The following POU4F1 variants were observed in gnomAD, a reference collection of about 807,000 sequenced individuals.
POU4F1 encodes POU class 4 homeobox 1, also known as POU domain, class 4, transcription factor 1.
Under a neutral mutation model 19.8 loss-of-function variants are expected in POU4F1, and 5 were observed. That is an observed-to-expected ratio of 0.25 (90% CI 0.13 to 0.53). POU4F1 has a LOEUF of 0.53. Among genes scored for constraint, POU4F1 ranks in the 20% least tolerant of loss-of-function variants. The pLI is 0.96. For missense variants in POU4F1, 408 were observed against 511.6 expected, an observed-to-expected ratio of 0.80 and a Z score of 1.95; for synonymous variants, 266 against 247.7, an observed-to-expected ratio of 1.07 and a Z score of -0.69.
rs558853740 is a variant in POU4F1, at chr13:78,599,692, T to C, written c.*1723A>G. ...GATTTCAGTCTTGTTAATCGGCAGG[T>C]TTTTTTTCTTTTCTCATTTGTTCTG... On this transcript the variant is annotated 3_prime_UTR_variant, in exon 2 of 2. Transcript: ENST00000377208. 5.2e-5 allele frequency: 8 copies of C among 152,546 alleles called. No homozygotes were observed. Among genetic ancestry groups the C allele is most frequent in the East Asian group, 1.9e-4 (1 of 5,188 alleles). 9.4% of individuals were successfully genotyped at this position (152,546 alleles called of 1,614,324 possible). A position where few individuals can be genotyped will look rare whatever the true frequency, so the allele number is the denominator to read the frequency against.
rs1427321060 is a variant in POU4F1 at position 78,602,386 on chromosome 13, G to A, written c.289C>T (p.Pro97Ser). ...TGGTGGTGGTGGTGGTGCGCCAGAG[G>A]CACCGTGGAAGTGGACGTGCACGGC... The part of the protein sequence containing the change: ...SVPCTSTSTV[P>S]LAHHHHHHHH... Residue 97 changes from proline to serine, a missense_variant, in exon 2 of 2, where the codon CCT becomes TCT. Coordinates refer to ENST00000377208, the MANE Select transcript of POU4F1 (RefSeq NM_006237.4). 3 of 1,539,286 alleles carry A rather than the reference G, an allele frequency of 1.9e-6. No individual in the cohort carries two copies. The highest frequency in any genetic ancestry group is 2.5e-5 in the East Asian group (1 of 39,560).
chr13:78,602,390 C>A lies in POU4F1; in HGVS notation c.285G>T (p.Thr95=). 6.5e-7 allele frequency: 1 copy of A among 1,546,120 alleles called. No individual in the cohort carries two copies. Among genetic ancestry groups the A allele is most frequent in the Non-Finnish European group, 8.7e-7 (1 of 1,148,812 alleles). The change falls in exon 2 of 2, where the codon ACG becomes ACT. Residue 95 remains threonine (T), a synonymous_variant. Transcript: ENST00000377208. The part of the protein sequence containing the change: ...MNSVPCTSTS[T]VPLAHHHHHH... ...GGTGGTGGTGGTGCGCCAGAGGCAC[C>A]GTGGAAGTGGACGTGCACGGCACGC...
chr13:78,601,348 G>T lies in POU4F1; in HGVS notation c.*67C>A. 1.3e-6 allele frequency: 2 copies of T among 1,599,476 alleles called. No homozygotes were observed. Among genetic ancestry groups the T allele is most frequent in the Non-Finnish European group, 8.5e-7 (1 of 1,174,336 alleles). On this transcript the variant is annotated 3_prime_UTR_variant, in exon 2 of 2. Transcript: ENST00000377208. ...CTCCAAATCCGAGGGGAGGCAAGCA[G>T]AGGAAAGCCCCCCAAAAATGCCTCC... is the stretch of plus-strand genomic sequence containing the variant.
In POU4F1 at chr13:78,598,685, C is replaced by T. The variant is rs533505640; in HGVS notation, c.*2730G>A. 7.9e-5 allele frequency: 12 copies of T among 152,256 alleles called. No homozygotes were observed. Among genetic ancestry groups the T allele is most frequent in the African/African-American group, 2.9e-4 (12 of 41,546 alleles). The allele number at this position is 152,256 out of a possible 1,614,324, so 9.4% of individuals were successfully genotyped here. On this transcript the variant is annotated 3_prime_UTR_variant, in exon 2 of 2. Coordinates refer to ENST00000377208, the MANE Select transcript of POU4F1 (RefSeq NM_006237.4). Reference sequence around the variant, plus strand: ...CCCAAGTCACCAAGAAATAGAGGCTCTCTAGTCACTGTGGAGCAGTAGGTG... The same window carrying T: ...CCCAAGTCACCAAGAAATAGAGGCTTTCTAGTCACTGTGGAGCAGTAGGTG...
At position 78,602,516 on chromosome 13, in the gene POU4F1, C is replaced by T. The variant is rs1874754498; in HGVS notation, c.159G>A (p.Thr53=). 1 of 1,583,880 alleles carries T rather than the reference C, an allele frequency of 6.3e-7. No homozygotes were observed. The highest frequency in any genetic ancestry group is 8.6e-7 in the Non-Finnish European group (1 of 1,168,126). The stretch of plus-strand genomic sequence containing the variant: ...CCAGCGCCTCGGCCCGCGCCAGCAG[C>T]GTCTCGTCCAGGCTGGCGAAGAGGT... ...QSNLFASLDE[T]LLARAEALAA... The change falls in exon 2 of 2, where the codon ACG becomes ACA. Residue 53 remains threonine, a synonymous_variant. Transcript: ENST00000377208.
chr13:78,600,461 C>T lies in POU4F1; in HGVS notation c.*954G>A, dbSNP rs1229788605. On this transcript the variant is annotated 3_prime_UTR_variant, in exon 2 of 2. Transcript: ENST00000377208. ...TTTCCTAGAATAAGATATCTCGAAG[C>T]TCCGGAATTCTGCTTTTTAGTAGCT... 1 of 152,066 alleles carries T rather than the reference C, an allele frequency of 6.6e-6. No individual in the cohort carries two copies. The highest frequency in any genetic ancestry group is 1.9e-4 in the East Asian group (1 of 5,196). The allele number at this position is 152,066 out of a possible 1,614,324, so 9.4% of individuals were successfully genotyped here. A position where few individuals can be genotyped will look rare whatever the true frequency, so the allele number is the denominator to read the frequency against.
chr13:78,602,201 G>T lies in POU4F1; in HGVS notation c.474C>A (p.Gly158=). 1 of 365,660 alleles carries T rather than the reference G, an allele frequency of 2.7e-6. No individual in the cohort carries two copies. Among genetic ancestry groups the T allele is most frequent in the Non-Finnish European group, 3.6e-6 (1 of 277,886 alleles). The allele number at this position is 365,660 out of a possible 1,614,324, so 22.7% of individuals were successfully genotyped here. A position where few individuals can be genotyped will look rare whatever the true frequency, so the allele number is the denominator to read the frequency against. ...CGCCTCCCCCGGGGCCGCCGCCCGG[G>T]CCGCCGCCGCCGCCCGGGCCGCCAC... is the stretch of plus-strand genomic sequence containing the variant. ...GGGGGPGGGG[G]PGGGPGGGGG... is the part of the protein sequence containing the mutation. Residue 158 remains glycine, a synonymous_variant, in exon 2 of 2, where the codon GGC becomes GGA. Coordinates refer to ENST00000377208, the MANE Select transcript of POU4F1 (RefSeq NM_006237.4).
chr13:78,603,494 C>A lies in POU4F1; in HGVS notation c.-168G>T. On this transcript the variant is annotated 5_prime_UTR_variant, in exon 1 of 2. Transcript: ENST00000377208. ...CTGCTCCTGCTGCTGCCAGGCGCTC[C>A]CTCTGACCGCGCAGAGCGCCGCGCG... 1 of 1,115,888 alleles carries A rather than the reference C, an allele frequency of 9.0e-7. No homozygotes were observed. 69.1% of individuals were successfully genotyped at this position (1,115,888 alleles called of 1,614,324 possible). A position where few individuals can be genotyped will look rare whatever the true frequency, so the allele number is the denominator to read the frequency against.
In POU4F1 at chr13:78,600,052, T is replaced by C. The variant is rs41288262; in HGVS notation, c.*1363A>G. The stretch of plus-strand genomic sequence containing the variant: ...CAGACCTCTTTGAAACAAATGGGGG[T>C]GGGGGCACTTTAAATCTGTCTTCCT... On this transcript the variant is annotated 3_prime_UTR_variant, in exon 2 of 2. Transcript: ENST00000377208. 0.096 allele frequency: 14,534 copies of C among 152,034 alleles called. 780 individuals are homozygous for C. The highest frequency in any genetic ancestry group is 0.15 in the Middle Eastern group (45 of 294). 9.4% of individuals were successfully genotyped at this position (152,034 alleles called of 1,614,324 possible). A position where few individuals can be genotyped will look rare whatever the true frequency, so the allele number is the denominator to read the frequency against.
rs954442784 is a variant in POU4F1, at chr13:78,603,470, T to TGCTCCTGCTGCTGCC, written c.-159_-145dup. On this transcript the variant is annotated 5_prime_UTR_variant, in exon 1 of 2. Coordinates refer to ENST00000377208, the MANE Select transcript of POU4F1 (RefSeq NM_006237.4). ...CGGCCCCGCCGCGGGCTGCTGCTGC[T>TGCTCCTGCTGCTGCC]GCTCCTGCTGCTGCCAGGCGCTCCC... The TGCTCCTGCTGCTGCC allele has an allele frequency of 1.1e-5, 14 of 1,223,864 alleles. No homozygotes were observed. The highest frequency in any genetic ancestry group is 6.4e-5 in the African/African-American group (4 of 62,096). 75.8% of individuals were successfully genotyped at this position (1,223,864 alleles called of 1,614,324 possible). A position where few individuals can be genotyped will look rare whatever the true frequency, so the allele number is the denominator to read the frequency against.
rs992716455 is a variant in POU4F1, at chr13:78,600,464, C to T, written c.*951G>A. ...CCTAGAATAAGATATCTCGAAGCTC[C>T]GGAATTCTGCTTTTTAGTAGCTCAA... is the stretch of plus-strand genomic sequence containing the variant. On this transcript the variant is annotated 3_prime_UTR_variant, in exon 2 of 2. Transcript: ENST00000377208. 2.6e-5 allele frequency: 4 copies of T among 152,112 alleles called. No homozygotes were observed. Among genetic ancestry groups the T allele is most frequent in the African/African-American group, 9.7e-5 (4 of 41,404 alleles). The allele number at this position is 152,112 out of a possible 1,614,324, so 9.4% of individuals were successfully genotyped here.
Position 78,601,639 on chromosome 13 carries a change from T to C in POU4F1, c.1036A>G (p.Lys346Glu). 6.2e-7 allele frequency: 1 copy of C among 1,613,872 alleles called. No individual in the cohort carries two copies. Among genetic ancestry groups the C allele is most frequent in the Non-Finnish European group, 8.5e-7 (1 of 1,179,956 alleles). Reference sequence around the variant, plus strand: ...TCGCCGCCGTTGAAGAGCTCAGGCTTGTTCATTTTCTCGCGCTGGGCGCCC... The same window carrying C: ...TCGCCGCCGTTGAAGAGCTCAGGCTCGTTCATTTTCTCGCGCTGGGCGCCC... The part of the protein sequence containing the change: ...AEGAQREKMN[K>E]PELFNGGEKK... Residue 346 changes from lysine (K) to glutamate (E), a missense_variant, in exon 2 of 2, where the codon AAG becomes GAG. By Grantham distance (56) the Lys-to-Glu change is moderately conservative (BLOSUM62 1). Transcript: ENST00000377208.
rs1371992764 is a variant in POU4F1 at position 78,599,186 on chromosome 13, TTA to T, written c.*2227_*2228del. The T allele has an allele frequency of 6.6e-6, 1 of 152,572 alleles. No homozygotes were observed. Among genetic ancestry groups the T allele is most frequent in the Non-Finnish European group, 1.5e-5 (1 of 68,012 alleles). The allele number at this position is 152,572 out of a possible 1,614,324, so 9.5% of individuals were successfully genotyped here. A position where few individuals can be genotyped will look rare whatever the true frequency, so the allele number is the denominator to read the frequency against. On this transcript the variant is annotated 3_prime_UTR_variant, in exon 2 of 2. Transcript: ENST00000377208. ...AATCATAAAACTGCTCTTCTTTCAG[TTA>T]TGTTTTATTTGTAAGTGTACTGGGA... is the stretch of plus-strand genomic sequence containing the variant.
Position 78,603,472 on chromosome 13 carries a change from C to T in POU4F1, c.-146G>A. 1 of 1,233,428 alleles carries T rather than the reference C, an allele frequency of 8.1e-7. No individual in the cohort carries two copies. The highest frequency in any genetic ancestry group is 1.0e-6 in the Non-Finnish European group (1 of 979,002). The allele number at this position is 1,233,428 out of a possible 1,614,324, so 76.4% of individuals were successfully genotyped here. On this transcript the variant is annotated 5_prime_UTR_variant, in exon 1 of 2. Coordinates refer to ENST00000377208, the MANE Select transcript of POU4F1 (RefSeq NM_006237.4). ...GCCCCGCCGCGGGCTGCTGCTGCTGCTCCTGCTGCTGCCAGGCGCTCCCTC... is the reference window on the plus strand; with the variant it reads ...GCCCCGCCGCGGGCTGCTGCTGCTGTTCCTGCTGCTGCCAGGCGCTCCCTC...
At position 78,600,329 on chromosome 13, in the gene POU4F1, G is replaced by A. The variant is rs1010911873; in HGVS notation, c.*1086C>T. On this transcript the variant is annotated 3_prime_UTR_variant, in exon 2 of 2. Coordinates refer to ENST00000377208, the MANE Select transcript of POU4F1 (RefSeq NM_006237.4). ...CTCTCTCTAAAAAAAAGATAAAACT[G>A]AAAGGGCAAGTTAAAGTTCTATGAG... is the stretch of plus-strand genomic sequence containing the variant. The A allele has an allele frequency of 1.3e-5, 2 of 152,070 alleles. No individual in the cohort carries two copies. The highest frequency in any genetic ancestry group is 2.1e-4 in the South Asian group (1 of 4,824). 9.4% of individuals were successfully genotyped at this position (152,070 alleles called of 1,614,324 possible).
rs1215619897 is a variant in POU4F1, at chr13:78,601,373, C to A, written c.*42G>T. 1 of 1,611,394 alleles carries A rather than the reference C, an allele frequency of 6.2e-7. No homozygotes were observed. The highest frequency in any genetic ancestry group is 8.5e-7 in the Non-Finnish European group (1 of 1,179,222). Reference sequence around the variant, plus strand: ...GAGGAAAGCCCCCCAAAAATGCCTCCTCAGCTCCCCATTCTGTCCCGCCCG... The same window carrying A: ...GAGGAAAGCCCCCCAAAAATGCCTCATCAGCTCCCCATTCTGTCCCGCCCG... On this transcript the variant is annotated 3_prime_UTR_variant, in exon 2 of 2. Transcript: ENST00000377208.
At position 78,603,393 on chromosome 13, in the gene POU4F1, CA is replaced by C. The variant is rs1216048011; in HGVS notation, c.-68del. ...CCGCGGGAAAGTGCGTACGCCGGCTCACCCGGCCTCCCTTCGGAGGCTGCAG... is the reference window on the plus strand; with the variant it reads ...CCGCGGGAAAGTGCGTACGCCGGCTCCCCGGCCTCCCTTCGGAGGCTGCAG... On this transcript the variant is annotated 5_prime_UTR_variant, in exon 1 of 2. Coordinates refer to ENST00000377208, the MANE Select transcript of POU4F1 (RefSeq NM_006237.4). 1 of 1,516,414 alleles carries C rather than the reference CA, an allele frequency of 6.6e-7. No homozygotes were observed. The highest frequency in any genetic ancestry group is 8.8e-7 in the Non-Finnish European group (1 of 1,130,208). The allele number at this position is 1,516,414 out of a possible 1,614,324, so 93.9% of individuals were successfully genotyped here.
chr13:78,601,890 T>C lies in POU4F1; in HGVS notation c.785A>G (p.Asp262Gly). The C allele has an allele frequency of 6.5e-7, 1 of 1,549,052 alleles. No individual in the cohort carries two copies. Among genetic ancestry groups the C allele is most frequent in the Non-Finnish European group, 8.7e-7 (1 of 1,155,732 alleles). Reference protein sequence around the residue: ...AAGLASICDSDTDPRELEAFA... With the variant: ...AAGLASICDSGTDPRELEAFA... ...CGCCTCGAGCTCGCGCGGGTCCGTG[T>C]CCGAGTCGCAGATGGACGCCAGGCC... is the stretch of plus-strand genomic sequence containing the variant. Residue 262 changes from aspartate to glycine, a missense_variant, in exon 2 of 2, where the codon GAC becomes GGC. This residue lies in a region of POU4F1 where 294 missense variants were observed against 288.2 expected (regional missense o/e 1.02). Transcript: ENST00000377208.
In POU4F1 at chr13:78,598,506, G is replaced by A. The variant is rs368502835; in HGVS notation, c.*2909C>T. The A allele has an allele frequency of 7.3e-5, 11 of 151,266 alleles. No homozygotes were observed. Among genetic ancestry groups the A allele is most frequent in the South Asian group, 4.2e-4 (2 of 4,794 alleles). The allele number at this position is 151,266 out of a possible 1,614,324, so 9.4% of individuals were successfully genotyped here. On this transcript the variant is annotated 3_prime_UTR_variant, in exon 2 of 2. Transcript: ENST00000377208. ...TTAACATTAACAACTGTTTAAAATC[G>A]CAGCTTTTAAAATGTACTATTCTTT... is the stretch of plus-strand genomic sequence containing the variant.
Sources: allele counts gnomAD v4.1 joint callset, GRCh38; gene constraint gnomAD v4.1.1; regional missense constraint gnomAD v4.1.1; transcripts MANE v1.5; gene names NCBI Gene and HGNC (gene_info 2026-07-23, HGNC 2026-07-21).